TRPC4: variants seen among roughly 807,000 people sequenced by gnomAD.
TRPC4 encodes the protein short transient receptor potential channel 4.
A neutral mutation model predicts 99.4 loss-of-function variants in TRPC4; 49 were observed. The ratio of observed to expected loss-of-function variants is 0.49; its 90% CI spans 0.39 to 0.63. The LOEUF (loss-of-function observed/expected upper bound fraction) is 0.63. TRPC4 is among the 20% of genes least tolerant of loss of function. TRPC4 has a pLI of 0.00. For missense variants in TRPC4, 898 were observed against 1,152.9 expected (o/e 0.78, Z 3.20); for synonymous variants, 454 against 425.9 (o/e 1.07, Z -0.81).
chr13:37,795,231 T>G (rs973140072), intron 1 of TRPC4, among the ~76,000 whole-genome samples: 1 of 152,210 alleles, frequency 6.6e-6, no homozygotes, highest in African/African-American at 2.4e-5. Context: ...TTCTGGCATA[T>G]TCTGTGTTGG....
intron 1 of TRPC4, among the ~76,000 whole-genome samples, chr13:37,866,012 C>T (rs1959720529): frequency 6.6e-6 from 1 of 151,602 alleles, no homozygotes; most frequent in African/African-American, 2.4e-5. Context: ...ACAATAGGTC[C>T]TGTTTCAGGT....
chr13:37,728,231 A>G (rs1955126646), intron 3 of TRPC4, among the ~76,000 whole-genome samples: 1 of 151,998 alleles, frequency 6.6e-6, no homozygotes, highest in South Asian at 2.1e-4. Flanking sequence ...CAACACCAGG[A>G]AGAAAAAAGT....
At chr13:37,723,872 G>A (rs1161245483) in intron 3 of TRPC4, among the ~76,000 whole-genome samples, 5 of 151,874 alleles carry the variant, frequency 3.3e-5, no homozygotes, top group Admixed American at 3.3e-4. Context: ...TTTTAATACG[G>A]AAAAAATTAG....
At chr13:37,846,902 A>T (rs1482061276) in intron 1 of TRPC4, among the ~76,000 whole-genome samples, 1 of 152,094 alleles carries the variant, frequency 6.6e-6, no homozygotes, top group Non-Finnish European at 1.5e-5. Flanking sequence ...TAAGAGAATA[A>T]GAGTAGTTAC....
chr13:37,647,772 G>T (rs977775295), intron 8 of TRPC4, among the ~76,000 whole-genome samples: 1 of 152,140 alleles, frequency 6.6e-6, no homozygotes, highest in Non-Finnish European at 1.5e-5. Context: ...ATTAATAGTT[G>T]TTTGTGTATC....
At chr13:37,658,040 T>C (rs1952301015) in intron 6 of TRPC4, among the ~76,000 whole-genome samples, 1 of 152,174 alleles carries the variant, frequency 6.6e-6, no homozygotes, top group Non-Finnish European at 1.5e-5. Context: ...AAGTTAACAT[T>C]TCAAAGCCAC....
At chr13:37,653,361 G>T (rs1164920747) in intron 7 of TRPC4, among the ~76,000 whole-genome samples, 1 of 151,672 alleles carries the variant, frequency 6.6e-6, no homozygotes, top group Non-Finnish European at 1.5e-5. Flanking sequence ...CTTTTTCATG[G>T]TTTACCGATG....
intron 3 of TRPC4, among the ~76,000 whole-genome samples, chr13:37,706,135 T>C (rs887783046): frequency 1.3e-5 from 2 of 152,218 alleles, no homozygotes; most frequent in African/African-American, 2.4e-5. Context: ...TTTTCATCAC[T>C]TAATCCCTAG....
chr13:37,646,749 G>T (rs180843857), intron 8 of TRPC4, among the ~76,000 whole-genome samples: 18 of 152,266 alleles, frequency 1.2e-4, no homozygotes, highest in African/African-American at 4.3e-4. Flanking sequence ...ATGATAAGAA[G>T]GGTATTTGCT....
chr13:37,730,908 A>G (rs17056535), intron 3 of TRPC4, among the ~76,000 whole-genome samples: 2,279 of 152,120 alleles, frequency 0.015, 66 homozygotes, highest in African/African-American at 0.052. Flanking sequence ...GAGGGACAAG[A>G]CTTCAAAACT....
At chr13:37,769,433 G>A (rs74047167) in intron 2 of TRPC4, among the ~76,000 whole-genome samples, 6,376 of 151,454 alleles carry the variant, frequency 0.042, 459 homozygotes, top group African/African-American at 0.15. Flanking sequence ...AAGGGAACCT[G>A]TATATTATTC....
chr13:37,712,387 T>A (rs1954515253), intron 3 of TRPC4, among the ~76,000 whole-genome samples: 1 of 152,208 alleles, frequency 6.6e-6, no homozygotes. Context: ...AAATGGGATG[T>A]CCAGTCACCG....
intron 1 of TRPC4, among the ~76,000 whole-genome samples, chr13:37,865,263 A>G (rs1356136926): frequency 6.6e-6 from 1 of 151,722 alleles, no homozygotes; most frequent in South Asian, 2.1e-4. Flanking sequence ...GAAATTTTAC[A>G]TAACATTGAT....
intron 2 of TRPC4, among the ~76,000 whole-genome samples, chr13:37,777,579 G>A (rs9548045): frequency 0.24 from 35,694 of 148,762 alleles, 5,026 homozygotes; most frequent in East Asian, 0.66. Flanking sequence ...TATCAACAAT[G>A]GTGGCATTTT....
rs189070446 is a variant in TRPC4, at chr13:37,735,588, T to C, written c.897+10349A>G. Among the ~76,000 whole-genome samples, 70 of 152,308 alleles carry C rather than the reference T, an allele frequency of 4.6e-4. 1 individual carries two copies. Among genetic ancestry groups the C allele is most frequent in the African/African-American group, 1.6e-3 (68 of 41,572 alleles). Reference sequence around the variant, plus strand: ...GAATAATGGAAACCTGATGATCTTATTGCTAGCACTTTCTTGTCAATCATC... The same window carrying C: ...GAATAATGGAAACCTGATGATCTTACTGCTAGCACTTTCTTGTCAATCATC... On this transcript the variant is annotated intron_variant, in intron 3 of 10. Coordinates refer to ENST00000379705, the MANE Select transcript of TRPC4 (RefSeq NM_016179.4).
intron 8 of TRPC4, among the ~76,000 whole-genome samples, chr13:37,642,722 G>C (rs973610023): frequency 7.3e-6 from 1 of 137,428 alleles, no homozygotes. Context: ...ATGGAAATAT[G>C]ATTCTTTCTT....
intron 1 of TRPC4, among the ~76,000 whole-genome samples, chr13:37,787,392 C>T (rs368354916): frequency 6.6e-5 from 10 of 152,106 alleles, no homozygotes; most frequent in South Asian, 2.1e-4. Context: ...TGCATTCACA[C>T]GCAATCCGAT....
intron 1 of TRPC4, among the ~76,000 whole-genome samples, chr13:37,795,728 T>C (rs1957227687): frequency 6.6e-6 from 1 of 152,164 alleles, no homozygotes; most frequent in Admixed American, 6.6e-5. Context: ...ACACAACAAC[T>C]TTGCTGCTGT....
At chr13:37,846,873 AT>A (rs1958920892) in intron 1 of TRPC4, among the ~76,000 whole-genome samples, 1 of 152,082 alleles carries the variant, frequency 6.6e-6, no homozygotes, top group African/African-American at 2.4e-5. Flanking sequence ...GGAAAAAAGT[AT>A]TTCCCACAAA....
Sources: gnomAD v4.1 joint callset for allele counts (sites outside exome capture counted in the v4.1 genomes callset) on GRCh38, gnomAD v4.1.1 for gene constraint, MANE v1.5 for transcripts, NCBI Gene and HGNC (gene_info 2026-07-23, HGNC 2026-07-21) for gene names.